PCDH15: variants seen among roughly 807,000 people sequenced by gnomAD.
PCDH15 encodes the protein protocadherin related 15.
In PCDH15, 129 loss-of-function variants were observed where a neutral mutation model predicts 178.5. The observed-to-expected ratio is 0.72, with a 90% CI of 0.63 to 0.84. PCDH15 has a LOEUF of 0.84. PCDH15 is among the 40% of genes least tolerant of loss of function. The pLI is 0.00. For missense variants in PCDH15, 2,230 were observed against 2,099.9 expected (o/e 1.06, Z -1.21); for synonymous variants, 800 against 732.0 (o/e 1.09, Z -1.50).
At chr10:55,277,988 C>G (rs1316864103) in intron 1 of PCDH15, among the ~76,000 whole-genome samples, 1 of 152,062 alleles carries the variant, frequency 6.6e-6, no homozygotes, top group African/African-American at 2.4e-5. Flanking sequence ...TGGAAGGAAT[C>G]ATGTTCAGAA....
At chr10:54,597,803 A>G (rs1590372557) in intron 2 of PCDH15, among the ~76,000 whole-genome samples, 1 of 152,112 alleles carries the variant, frequency 6.6e-6, no homozygotes, top group East Asian at 1.9e-4. Context: ...GAAAGGGAAT[A>G]TTACCACTGA....
chr10:55,303,110 C>A (rs887610473), intron 1 of PCDH15, among the ~76,000 whole-genome samples: 2 of 151,986 alleles, frequency 1.3e-5, no homozygotes, highest in South Asian at 4.1e-4. Flanking sequence ...TATATACACA[C>A]ACACACGGAA....
intron 2 of PCDH15, among the ~76,000 whole-genome samples, chr10:55,612,460 A>G (rs955691278): frequency 1.3e-5 from 2 of 152,018 alleles, no homozygotes; most frequent in African/African-American, 4.8e-5. Flanking sequence ...GAAAGGGGGG[A>G]CTGCTGCATA....
intron 1 of PCDH15, among the ~76,000 whole-genome samples, chr10:55,234,030 G>A (rs954562944): frequency 1.3e-5 from 2 of 152,038 alleles, no homozygotes; most frequent in Non-Finnish European, 2.9e-5. Flanking sequence ...GCTATGTTGC[G>A]AAGAGGTGGG....
intron 20 of PCDH15, among the ~76,000 whole-genome samples, chr10:54,011,317 G>A (rs1172267844): frequency 6.6e-6 from 1 of 152,146 alleles, no homozygotes. Context: ...GTCCTACAAT[G>A]CAGCCACCAC....
chr10:54,214,195 A>G (rs1379684309), intron 9 of PCDH15, 147 bp from the exon 10 acceptor site: 1 of 592,960 alleles, frequency 1.7e-6, no homozygotes, highest in Non-Finnish European at 3.1e-6. Flanking sequence ...CAGGGAAAGC[A>G]GACACAAATG....
intron 15 of PCDH15, among the ~76,000 whole-genome samples, chr10:54,128,061 A>G (rs1590659374): frequency 6.6e-6 from 1 of 152,244 alleles, no homozygotes; most frequent in African/African-American, 2.4e-5. Flanking sequence ...AGAGAGGATG[A>G]AGAAAGAAAA....
At chr10:54,931,187 T>C (rs1837765250) in intron 2 of PCDH15, among the ~76,000 whole-genome samples, 2 of 152,244 alleles carry the variant, frequency 1.3e-5, no homozygotes, top group African/African-American at 4.8e-5. Context: ...ATGAGCTATA[T>C]TATCCTCTGG....
rs568394262 is a variant in PCDH15 at position 55,107,455 on chromosome 10, GATAAAATAC to G, written c.-80+59112_-80+59120del. On this transcript the variant is annotated intron_variant, in intron 2 of 5. Coordinates refer to the PCDH15 transcript ENST00000458638. ...TTTACCACAAATATTCATAGAAATA[GATAAAATAC>G]AATTACTGTATTCTCTTTCCTTTTT... Among the ~76,000 whole-genome samples, 24 of 145,292 alleles carry G rather than the reference GATAAAATAC, an allele frequency of 1.7e-4. No homozygotes were observed. In the South Asian group the frequency reaches 5.3e-3, roughly 32 times the overall value.
chr10:54,157,480 C>T (rs893446658), intron 13 of PCDH15, among the ~76,000 whole-genome samples: 5 of 152,258 alleles, frequency 3.3e-5, no homozygotes, highest in African/African-American at 9.6e-5. Context: ...ACACCAAGTC[C>T]CTAGGCTGCA....
chr10:54,794,139 CTT>C (rs1491178371), intron 1 of PCDH15, among the ~76,000 whole-genome samples: 3 of 145,088 alleles, frequency 2.1e-5, no homozygotes, highest in African/African-American at 7.5e-5. Flanking sequence ...ATATATATAT[CTT>C]ATATATATCT....
intron 26 of PCDH15, among the ~76,000 whole-genome samples, chr10:53,872,659 C>T (rs2079953162): frequency 6.6e-6 from 1 of 152,122 alleles, no homozygotes; most frequent in South Asian, 2.1e-4. Context: ...ACTGTAAGTC[C>T]ATGGTCTCTG....
At chr10:55,363,678 C>G (rs1326636321) in intron 2 of PCDH15, among the ~76,000 whole-genome samples, 1 of 152,042 alleles carries the variant, frequency 6.6e-6, no homozygotes, top group South Asian at 2.1e-4. Context: ...TCTTGTTGCA[C>G]AGGCTGGAGT....
At chr10:55,231,683 T>A (rs1251239707) in intron 1 of PCDH15, among the ~76,000 whole-genome samples, 2 of 151,876 alleles carry the variant, frequency 1.3e-5, no homozygotes. Context: ...CTTGCATGGA[T>A]CAAGAATAGA....
chr10:55,587,504 A>C (rs1842748336), intron 2 of PCDH15, among the ~76,000 whole-genome samples: 1 of 152,134 alleles, frequency 6.6e-6, no homozygotes. Context: ...CATGCCTCTC[A>C]CCACCTCACT....
At chr10:55,396,114 C>T (rs569002854) in intron 2 of PCDH15, among the ~76,000 whole-genome samples, 1 of 152,218 alleles carries the variant, frequency 6.6e-6, no homozygotes, top group African/African-American at 2.4e-5. Context: ...GTCTTTGGTA[C>T]TTAGCATAAT....
chr10:53,856,785 CTCTT>C (rs746921231), intron 28 of PCDH15, among the ~76,000 whole-genome samples: 1 of 152,102 alleles, frequency 6.6e-6, no homozygotes, highest in Non-Finnish European at 1.5e-5. Flanking sequence ...TATTAAAACA[CTCTT>C]AAACTATATG....
chr10:54,930,204 T>G (rs548237960), intron 2 of PCDH15, among the ~76,000 whole-genome samples: 1 of 152,256 alleles, frequency 6.6e-6, no homozygotes, highest in African/African-American at 2.4e-5. Context: ...ATTTGCATAA[T>G]AAAAGATTAG....
intron 2 of PCDH15, among the ~76,000 whole-genome samples, chr10:55,098,911 AGAG>A (rs1842511620): frequency 7.1e-6 from 1 of 141,400 alleles, no homozygotes; most frequent in African/African-American, 2.6e-5. Flanking sequence ...AGAGAGAGAG[AGAG>A]AGAGAGAGAG....
Sources: gnomAD v4.1 joint callset for allele counts (sites outside exome capture counted in the v4.1 genomes callset) on GRCh38, gnomAD v4.1.1 for gene constraint, MANE v1.5 for transcripts, NCBI Gene and HGNC (gene_info 2026-07-23, HGNC 2026-07-21) for gene names.